Variants in DENND1B observed in about 807,000 individuals in gnomAD.
The protein encoded by DENND1B is DENN domain containing 1B, also known as DENN domain-containing protein 1B.
In DENND1B, 59 loss-of-function variants were observed where a neutral mutation model predicts 90.1. The ratio of observed to expected loss-of-function variants is 0.65; its 90% CI spans 0.53 to 0.81. The LOEUF (loss-of-function observed/expected upper bound fraction) is 0.81. Ranked by LOEUF, DENND1B falls within the 40% of genes least tolerant of loss-of-function variation. The pLI is 0.00. For synonymous variants in DENND1B, 337 were observed against 324.6 expected, an observed-to-expected ratio of 1.04 and a Z score of -0.41; for missense variants, 862 against 912.6, an observed-to-expected ratio of 0.94 and a Z score of 0.71.
intron 15 of DENND1B, among the ~76,000 whole-genome samples, chr1:197,573,832 C>G (rs1439382276): frequency 6.6e-6 from 1 of 152,154 alleles, no homozygotes; most frequent in African/African-American, 2.4e-5. Context: ...ATCACATAAA[C>G]AGAACCAATG....
intron 20 of DENND1B, among the ~76,000 whole-genome samples, chr1:197,531,304 T>C (rs538768329): frequency 6.6e-6 from 1 of 152,272 alleles, no homozygotes; most frequent in Admixed American, 6.5e-5. Flanking sequence ...AGTAGGAACA[T>C]GAAAATTATC....
chr1:197,550,580 CAT>C (rs1671146359), intron 16 of DENND1B, among the ~76,000 whole-genome samples: 1 of 151,068 alleles, frequency 6.6e-6, no homozygotes, highest in Non-Finnish European at 1.5e-5. Flanking sequence ...CCAAACACCA[CAT>C]GTTCTCACTC....
chr1:197,663,482 T>A (rs1036054866), intron 5 of DENND1B, among the ~76,000 whole-genome samples: 2 of 152,168 alleles, frequency 1.3e-5, no homozygotes, highest in African/African-American at 4.8e-5. Context: ...GCTAACTGGC[T>A]ATTTGCAGGC....
rs1660511464 is a variant in DENND1B, at chr1:197,715,038, C to T, written c.119G>A (p.Gly40Glu). 6.2e-7 allele frequency: 1 copy of T among 1,611,014 alleles called. No homozygotes were observed. Among genetic ancestry groups the T allele is most frequent in the Non-Finnish European group, 8.5e-7 (1 of 1,178,248 alleles). Reference protein sequence around the residue: ...VVLWKFPEDFGDQEILQSVPK... With the variant: ...VVLWKFPEDFEDQEILQSVPK... ...AAATTATGTGGTACCAACCTGGTCT[C>T]CAAAGTCCTCTGGGAATTTCCACAA... Residue 40 changes from glycine to glutamate, a missense_variant, in exon 3 of 23, where the codon GGA (glycine) becomes GAA (glutamate). Transcript: ENST00000620048.
At chr1:197,530,896 A>T (rs1449836062) in intron 20 of DENND1B, among the ~76,000 whole-genome samples, 7 of 152,156 alleles carry the variant, frequency 4.6e-5, no homozygotes, top group African/African-American at 1.7e-4. Context: ...CCTTTTTCAA[A>T]GTTAAGTTCT....
chr1:197,768,254 TTCC>T (rs993045743), intron 2 of DENND1B, among the ~76,000 whole-genome samples: 138 of 148,196 alleles, frequency 9.3e-4, no homozygotes, highest in Middle Eastern at 3.4e-3. Context: ...CCTCCTCCCT[TTCC>T]TCCTCCTCCT....
At chr1:197,718,234 TAAAG>T (rs1190969294) in intron 2 of DENND1B, among the ~76,000 whole-genome samples, 1 of 151,990 alleles carries the variant, frequency 6.6e-6, no homozygotes, top group African/African-American at 2.4e-5. Context: ...TATGCAGTGC[TAAAG>T]AAAGAGGAAA....
chr1:197,770,188 A>C (rs1194252895), intron 2 of DENND1B, among the ~76,000 whole-genome samples: 1 of 152,182 alleles, frequency 6.6e-6, no homozygotes, highest in African/African-American at 2.4e-5. Flanking sequence ...ATTTAGCCAT[A>C]TAGAATGGAT....
intron 5 of DENND1B, among the ~76,000 whole-genome samples, chr1:197,664,099 G>A (rs569711470): frequency 6.6e-6 from 1 of 151,914 alleles, no homozygotes; most frequent in East Asian, 1.9e-4. Flanking sequence ...TTATTTTCAA[G>A]TCTTTATTTT....
intron 2 of DENND1B, chr1:197,734,975 G>A (rs1237378894): frequency 1.0e-6 from 1 of 984,774 alleles, no homozygotes; most frequent in Non-Finnish European, 1.2e-6. Context: ...TAAAGACTCT[G>A]GAACACAGTG....
chr1:197,649,288 G>A (rs1280668543), intron 7 of DENND1B, among the ~76,000 whole-genome samples: 1 of 152,188 alleles, frequency 6.6e-6, no homozygotes, highest in Non-Finnish European at 1.5e-5. Context: ...GGGGAGCTAC[G>A]AAAGGTTTTC....
intron 15 of DENND1B, among the ~76,000 whole-genome samples, chr1:197,554,649 C>A (rs192881407): frequency 1.3e-5 from 2 of 151,594 alleles, no homozygotes; most frequent in East Asian, 2.0e-4. Context: ...ACCATCCTAG[C>A]CAACATGGTG....
chr1:197,632,620 A>G (rs953515128), intron 10 of DENND1B, among the ~76,000 whole-genome samples: 3 of 152,212 alleles, frequency 2.0e-5, no homozygotes, highest in Admixed American at 6.5e-5. Context: ...TCAATGCACA[A>G]ATGAATAAAT....
At position 197,545,949 on chromosome 1, in the gene DENND1B, G is replaced by T; in HGVS notation, c.1323C>A (p.Thr441=). ...ATTTATATGCTGTCCGTACAGCAGG[G>T]GTTGCTTTGGTCATTGCTGTGTTGA... ...ALFNTAMTKA[T]PAVRTAYKFA... Residue 441 remains threonine, a synonymous_variant, in exon 18 of 23, where the codon ACC becomes ACA. Coordinates refer to ENST00000620048, the MANE Select transcript of DENND1B (RefSeq NM_001195215.2). The T allele has an allele frequency of 6.2e-7, 1 of 1,606,832 alleles. No individual in the cohort carries two copies. The highest frequency in any genetic ancestry group is 8.5e-7 in the Non-Finnish European group (1 of 1,178,304).
At chr1:197,759,837 C>T (rs1654800252) in intron 2 of DENND1B, among the ~76,000 whole-genome samples, 1 of 150,352 alleles carries the variant, frequency 6.7e-6, no homozygotes, top group East Asian at 2.0e-4. Context: ...TAGGCAAAAG[C>T]ACCCTCAATC....
Position 197,693,708 on chromosome 1 carries a change from C to G in DENND1B, c.127-19539G>C, listed in dbSNP as rs75726628. 3.1e-4 allele frequency among the ~76,000 whole-genome samples: 47 copies of G among 151,684 alleles called. 3 individuals carry two copies. In the East Asian group the frequency reaches 9.1e-3, roughly 29 times the overall value. On this transcript the variant is annotated intron_variant, in intron 3 of 22. Transcript: ENST00000620048. Reference sequence around the variant, plus strand: ...TCATTTTCACATCATATTCCATCATCTTTTCATCAGTTTCTCCTAGCTTTT... The same window carrying G: ...TCATTTTCACATCATATTCCATCATGTTTTCATCAGTTTCTCCTAGCTTTT...
chr1:197,686,372 A>T (rs1157200044), intron 3 of DENND1B, among the ~76,000 whole-genome samples: 1 of 152,162 alleles, frequency 6.6e-6, no homozygotes, highest in Non-Finnish European at 1.5e-5. Flanking sequence ...AGCTAAAAAG[A>T]ATAACTAAAA....
intron 19 of DENND1B, among the ~76,000 whole-genome samples, chr1:197,540,756 T>C (rs1317797685): frequency 3.3e-5 from 5 of 152,178 alleles, no homozygotes. Flanking sequence ...TGATAAAATA[T>C]TCAAACAGTA....
At chr1:197,656,413 A>G (rs1034052718) in intron 6 of DENND1B, among the ~76,000 whole-genome samples, 4 of 152,198 alleles carry the variant, frequency 2.6e-5, no homozygotes, top group Non-Finnish European at 5.9e-5. Context: ...TACACCCTAA[A>G]TGTAAAAATT....
Sources: allele counts gnomAD v4.1 joint callset (sites outside exome capture counted in the v4.1 genomes callset), GRCh38; gene constraint gnomAD v4.1.1; transcripts MANE v1.5; gene names NCBI Gene and HGNC (gene_info 2026-07-23, HGNC 2026-07-21).